CRIM1: variants seen among roughly 807,000 people sequenced by gnomAD.
CRIM1 encodes the protein cysteine rich transmembrane BMP regulator 1, also known as cysteine-rich motor neuron 1 protein.
CRIM1 carries 32 observed loss-of-function variants against 116.4 expected under a neutral mutation model. The ratio of observed to expected loss-of-function variants is 0.27; its 90% CI spans 0.21 to 0.37. The LOEUF is 0.37. Ranked by LOEUF, CRIM1 falls within the 10% of genes least tolerant of loss-of-function variation. The pLI is 1.00. For synonymous variants in CRIM1, 590 were observed against 509.2 expected (o/e 1.16, Z -2.13); for missense variants, 1,331 against 1,354.8 (o/e 0.98, Z 0.28).
At chr2:36,427,367 A>G (rs57785523) in intron 2 of CRIM1, among the ~76,000 whole-genome samples, 22,430 of 152,168 alleles carry the variant, frequency 0.15, 2,028 homozygotes, top group East Asian at 0.51. Flanking sequence ...TTCAGCCATC[A>G]GCAGGAGATG....
intron 4 of CRIM1, 92 bp from the exon 5 acceptor site, chr2:36,464,442 T>G (rs1357490736): frequency 7.2e-7 from 1 of 1,396,162 alleles, no homozygotes; most frequent in African/African-American, 1.4e-5. Context: ...ACCAGGTACT[T>G]TGCCACAGCC....
intron 6 of CRIM1, 130 bp from the exon 7 acceptor site, chr2:36,479,367 C>T (rs189030876): frequency 2.9e-4 from 242 of 825,054 alleles, no homozygotes; most frequent in Non-Finnish European, 3.6e-4. Context: ...TGCAACCCTG[C>T]GCTTCTGTTG....
At chr2:36,381,062 C>T (rs1670716648) in intron 1 of CRIM1, among the ~76,000 whole-genome samples, 1 of 152,218 alleles carries the variant, frequency 6.6e-6, no homozygotes, top group South Asian at 2.1e-4. Context: ...CTGGATCAGC[C>T]TCTGCTGAAC....
intron 1 of CRIM1, among the ~76,000 whole-genome samples, chr2:36,368,003 C>T (rs1195487467): frequency 6.6e-6 from 1 of 152,198 alleles, no homozygotes; most frequent in Non-Finnish European, 1.5e-5. Context: ...TGCCCAAATT[C>T]ACATGCTCAT....
chr2:36,531,842 T>G (rs1347152360), intron 13 of CRIM1: 1 of 465,562 alleles, frequency 2.1e-6, no homozygotes, highest in Non-Finnish European at 4.4e-6. Flanking sequence ...TCATATGTGA[T>G]GCAAGATAAT....
chr2:36,405,726 T>A (rs1182398776), intron 2 of CRIM1, among the ~76,000 whole-genome samples: 3 of 152,234 alleles, frequency 2.0e-5, no homozygotes, highest in Admixed American at 2.0e-4. Flanking sequence ...TAATTTTGAT[T>A]TCCACTACTT....
chr2:36,521,088 C>T (rs1219062959), intron 12 of CRIM1, among the ~76,000 whole-genome samples: 4 of 152,192 alleles, frequency 2.6e-5, no homozygotes, highest in South Asian at 2.1e-4. Context: ...CACCCACTTA[C>T]ATTTTCCTTT....
chr2:36,500,256 G>T (rs1258714613), intron 8 of CRIM1, among the ~76,000 whole-genome samples: 1 of 152,124 alleles, frequency 6.6e-6, no homozygotes, highest in Admixed American at 6.5e-5. Context: ...GCTTGAGCCT[G>T]GTGGGGCAAA....
rs146836628 is a variant in CRIM1 at position 36,540,881 on chromosome 2, G to A, written c.2623+3335G>A. On this transcript the variant is annotated intron_variant, in intron 14 of 16. Coordinates refer to ENST00000280527, the MANE Select transcript of CRIM1 (RefSeq NM_016441.3). ...TCAATTCATTCTCCTTGGTTTGTGA[G>A]TTTGATAAGAGAGAGTACAGATATT... Among the ~76,000 whole-genome samples the A allele has an allele frequency of 2.3e-3, 350 of 152,278 alleles. 2 individuals carry two copies. Among genetic ancestry groups the A allele is most frequent in the African/African-American group, 8.0e-3 (334 of 41,568 alleles).
Position 36,434,286 on chromosome 2 carries a change from G to A in CRIM1, c.506-6972G>A, listed in dbSNP as rs1166012202. On this transcript the variant is annotated intron_variant, in intron 2 of 16. Transcript: ENST00000280527. The stretch of plus-strand genomic sequence containing the variant: ...GTGAAATAGAACAGCCAGCAAGAAA[G>A]TAATGAGGATACGCTAAAGACACTG... 2.0e-5 allele frequency among the ~76,000 whole-genome samples: 3 copies of A among 152,220 alleles called. No homozygotes were observed. In the East Asian group the frequency reaches 5.8e-4, roughly 29 times the overall value.
Position 36,379,742 on chromosome 2 carries a change from CTTTTTTTT to C in CRIM1, c.332-16857_332-16850del, listed in dbSNP as rs760969263. Among the ~76,000 whole-genome samples, 333 of 106,368 alleles carry C rather than the reference CTTTTTTTT, an allele frequency of 3.1e-3. 2 individuals are homozygous for C. The highest frequency in any genetic ancestry group is 1.0e-2 in the African/African-American group (273 of 27,336). 69.8% of individuals were successfully genotyped at this position (106,368 alleles called of 152,430 possible). A position where few individuals can be genotyped will look rare whatever the true frequency, so the allele number is the denominator to read the frequency against. The stretch of plus-strand genomic sequence containing the variant: ...AGGGATTCTATTTCTTTCTTTCTCT[CTTTTTTTT>C]TTTTTTTTTTTTTTAAAGAAAAGCA... On this transcript the variant is annotated intron_variant, in intron 1 of 16. Coordinates refer to ENST00000280527, the MANE Select transcript of CRIM1 (RefSeq NM_016441.3).
intron 5 of CRIM1, among the ~76,000 whole-genome samples, 171 bp downstream of exon 5, chr2:36,464,826 A>G (rs80100223): frequency 2.0e-4 from 30 of 152,324 alleles, no homozygotes; most frequent in African/African-American, 6.7e-4. Context: ...AAAGAAAGTT[A>G]GGTTAGGAAC....
chr2:36,504,066 G>T (rs1401158264), intron 8 of CRIM1, among the ~76,000 whole-genome samples: 2 of 151,988 alleles, frequency 1.3e-5, no homozygotes, highest in African/African-American at 4.8e-5. Context: ...TAGAGACAAG[G>T]TTTTGCCACA....
intron 6 of CRIM1, among the ~76,000 whole-genome samples, chr2:36,478,120 G>A (rs968315599): frequency 2.6e-5 from 4 of 152,106 alleles, no homozygotes; most frequent in African/African-American, 9.7e-5. Context: ...TGATATTTGA[G>A]CAATATTTAC....
chr2:36,460,509 T>C (rs1275887137), intron 4 of CRIM1, among the ~76,000 whole-genome samples: 1 of 152,222 alleles, frequency 6.6e-6, no homozygotes, highest in South Asian at 2.1e-4. Flanking sequence ...TTGTGTACTT[T>C]AAAAGGGTGA....
intron 4 of CRIM1, among the ~76,000 whole-genome samples, chr2:36,463,983 A>G (rs1677790617): frequency 1.3e-5 from 2 of 152,202 alleles, no homozygotes; most frequent in African/African-American, 4.8e-5. Context: ...TAAATTAAAT[A>G]TTGCTCAAGA....
Position 36,537,386 on chromosome 2 carries a change from C to T in CRIM1, c.2463C>T (p.Phe821=), listed in dbSNP as rs978005027. ...DTIPKKVVCH[F]SGKAYADEER... ...TTCCAAAGAAGGTGGTGTGCCACTT[C>T]AGTGGGAAGGCCTATGCCGACGAGG... Residue 821 remains phenylalanine, a synonymous_variant, in exon 14 of 17, where the codon TTC becomes TTT. Transcript: ENST00000280527. 1 of 1,614,116 alleles carries T rather than the reference C, an allele frequency of 6.2e-7. No homozygotes were observed. The highest frequency in any genetic ancestry group is 1.3e-5 in the African/African-American group (1 of 74,958).
chr2:36,447,876 T>A (rs78294007), intron 4 of CRIM1, among the ~76,000 whole-genome samples: 2 of 152,208 alleles, frequency 1.3e-5, no homozygotes, highest in Non-Finnish European at 2.9e-5. Context: ...ACTCATGCCC[T>A]TCTGGCCCTG....
intron 1 of CRIM1, among the ~76,000 whole-genome samples, chr2:36,362,763 GA>G (rs1482521543): frequency 6.6e-6 from 1 of 152,112 alleles, no homozygotes; most frequent in Non-Finnish European, 1.5e-5. Flanking sequence ...GGGCCCACAT[GA>G]AAAAAGTAAA....
Sources: gnomAD v4.1 joint callset for allele counts (sites outside exome capture counted in the v4.1 genomes callset) on GRCh38, gnomAD v4.1.1 for gene constraint, MANE v1.5 for transcripts, NCBI Gene and HGNC (gene_info 2026-07-23, HGNC 2026-07-21) for gene names.